The following UGT1A8 variants were observed in gnomAD, a reference collection of about 807,000 sequenced individuals.
UGT1A8 encodes UDP-glucuronosyltransferase 1A8.
In UGT1A8, 39 loss-of-function variants were observed where a neutral mutation model predicts 45.3. That is an observed-to-expected ratio of 0.86 (90% CI 0.67 to 1.12). The LOEUF (loss-of-function observed/expected upper bound fraction) is 1.12. Ranked by LOEUF, UGT1A8 falls within the 50% of genes most tolerant of loss-of-function variation. The probability of loss-of-function intolerance (pLI) is 0.00; values close to 1 mark genes in which losing one functional copy is unlikely to be tolerated. For missense variants in UGT1A8, 719 were observed against 664.9 expected, an observed-to-expected ratio of 1.08 and a Z score of -0.90; for synonymous variants, 275 against 249.2, an observed-to-expected ratio of 1.10 and a Z score of -0.97.
In UGT1A8 at chr2:233,769,705, G is replaced by T. The variant is rs1699921958; in HGVS notation, c.1295+1266G>T. Reference sequence around the variant, plus strand: ...TGGTGGCACTGGATAAAAGATCAATGTTGGCTAGGCACCATGGCACACGCC... The same window carrying T: ...TGGTGGCACTGGATAAAAGATCAATTTTGGCTAGGCACCATGGCACACGCC... On this transcript the variant is annotated intron_variant, in intron 4 of 4. Transcript: ENST00000373450. This position sits in a 1 kb window ranked among gnomAD's most constrained non-coding sequence, Gnocchi z 4.4. The T allele has an allele frequency of 6.6e-7, 1 of 1,517,524 alleles. No homozygotes were observed. Among genetic ancestry groups the T allele is most frequent in the African/African-American group, 1.4e-5 (1 of 73,038 alleles). The allele number at this position is 1,517,524 out of a possible 1,614,324, so 94.0% of individuals were successfully genotyped here. A position where few individuals can be genotyped will look rare whatever the true frequency, so the allele number is the denominator to read the frequency against.
At position 233,718,978 on chromosome 2, in the gene UGT1A8, C is replaced by G. The variant is rs200639166; in HGVS notation, c.856-48056C>G. 2.5e-6 allele frequency: 4 copies of G among 1,614,214 alleles called. No individual in the cohort carries two copies. Among genetic ancestry groups the G allele is most frequent in the Admixed American group, 3.3e-5 (2 of 60,032 alleles). The stretch of plus-strand genomic sequence containing the variant: ...CGGGAGGCCTTGCGGGAGCTCCATG[C>G]CAGAGGCCACCAGGCGGTGGTCCTC... On this transcript the variant is annotated intron_variant, in intron 1 of 4. Coordinates refer to ENST00000373450, the MANE Select transcript of UGT1A8 (RefSeq NM_019076.5).
intron 1 of UGT1A8, among the ~76,000 whole-genome samples, chr2:233,703,898 C>CT (rs1039785943): frequency 2.0e-4 from 29 of 147,302 alleles, no homozygotes; most frequent in African/African-American, 4.5e-4. Context: ...TTTTTCTTTT[C>CT]TTTTTTTTTT....
chr2:233,703,685 T>G (rs1041674498), intron 1 of UGT1A8, among the ~76,000 whole-genome samples: 1 of 152,164 alleles, frequency 6.6e-6, no homozygotes, highest in East Asian at 1.9e-4. Context: ...ATATTTTTTT[T>G]CCACCATTTA....
At chr2:233,636,767 C>G in intron 1 of UGT1A8, 1 of 1,614,210 alleles carries the variant, frequency 6.2e-7, no homozygotes, top group East Asian at 2.2e-5. Flanking sequence ...ACCTCGTACA[C>G]TCTGGAAGAT....
At chr2:233,657,802 T>C (rs1013582506) in intron 1 of UGT1A8, among the ~76,000 whole-genome samples, 22 of 152,220 alleles carry the variant, frequency 1.4e-4, no homozygotes, top group Non-Finnish European at 1.5e-5. Flanking sequence ...GTATATGTTC[T>C]TTGGTAAATG....
chr2:233,693,246 C>T (rs747771330), intron 1 of UGT1A8: 21 of 1,613,944 alleles, frequency 1.3e-5, no homozygotes, highest in African/African-American at 6.7e-5. Context: ...TATCCAGTGC[C>T]GTATGACCAA....
chr2:233,632,826 T>C (rs2073216625), intron 1 of UGT1A8, among the ~76,000 whole-genome samples: 1 of 152,178 alleles, frequency 6.6e-6, no homozygotes, highest in African/African-American at 2.4e-5. Context: ...CCTGTATTTC[T>C]TTCTCTTGCT....
At chr2:233,760,288 A>T (rs1697385056) in intron 1 of UGT1A8, 1 of 1,613,272 alleles carries the variant, frequency 6.2e-7, no homozygotes, top group East Asian at 2.2e-5. Flanking sequence ...CAAAGGCGCC[A>T]TGGCTGTGGA....
chr2:233,758,139 G>T (rs553073565), intron 1 of UGT1A8, among the ~76,000 whole-genome samples: 1 of 152,336 alleles, frequency 6.6e-6, no homozygotes, highest in East Asian at 1.9e-4. Flanking sequence ...TGGCAGATGA[G>T]GGAATTAGCA....
intron 1 of UGT1A8, among the ~76,000 whole-genome samples, chr2:233,731,588 T>C (rs2078180230): frequency 6.6e-6 from 1 of 152,212 alleles, no homozygotes; most frequent in African/African-American, 2.4e-5. Flanking sequence ...TACAGCTTTG[T>C]CCATCTCCCT....
At chr2:233,702,598 G>A (rs546581826) in intron 1 of UGT1A8, among the ~76,000 whole-genome samples, 2 of 152,156 alleles carry the variant, frequency 1.3e-5, no homozygotes, top group South Asian at 4.1e-4. Context: ...GAGATTTTTT[G>A]AGTAGATGCC....
chr2:233,720,049 G>A (rs1278605052), intron 1 of UGT1A8, among the ~76,000 whole-genome samples: 10 of 152,182 alleles, frequency 6.6e-5, no homozygotes, highest in East Asian at 5.8e-4. Context: ...TCAGCTGAAC[G>A]GTGATGCAAC....
chr2:233,733,512 C>T (rs1027549522), intron 1 of UGT1A8, among the ~76,000 whole-genome samples: 2 of 152,148 alleles, frequency 1.3e-5, no homozygotes, highest in African/African-American at 4.8e-5. Flanking sequence ...CAGTTTTAGG[C>T]ATGAAGGGAT....
chr2:233,676,786 C>G (rs74435166), intron 1 of UGT1A8, among the ~76,000 whole-genome samples: 7,560 of 152,232 alleles, frequency 0.05, 292 homozygotes, highest in African/African-American at 0.1. Flanking sequence ...ACACAGAGGT[C>G]TTTTCTTGTT....
At chr2:233,638,131 C>T (rs2073351104) in intron 1 of UGT1A8, among the ~76,000 whole-genome samples, 1 of 152,160 alleles carries the variant, frequency 6.6e-6, no homozygotes, top group Admixed American at 6.5e-5. Flanking sequence ...ATTGAGAAGA[C>T]TGGCATCTTT....
chr2:233,718,616 CG>C, intron 1 of UGT1A8: 22 of 858,724 alleles, frequency 2.6e-5, no homozygotes, highest in Non-Finnish European at 2.9e-5. Flanking sequence ...TCAAGATAGG[CG>C]TGATTGGTCT....
chr2:233,738,914 G>A (rs1053484676), intron 1 of UGT1A8: 2 of 152,216 alleles, frequency 1.3e-5, no homozygotes, highest in Non-Finnish European at 2.9e-5. Flanking sequence ...CCCATCACAG[G>A]CCTGGAGGCC....
At chr2:233,660,497 T>A (rs2073941117) in intron 1 of UGT1A8, among the ~76,000 whole-genome samples, 1 of 152,156 alleles carries the variant, frequency 6.6e-6, no homozygotes, top group Non-Finnish European at 1.5e-5. Context: ...AAGCGTTGGT[T>A]TTCATGGAAC....
chr2:233,637,235 C>G, intron 1 of UGT1A8: 2 of 1,613,920 alleles, frequency 1.2e-6, no homozygotes, highest in Non-Finnish European at 1.7e-6. Flanking sequence ...CTCCAAACCC[C>G]TGTCACGGCA....
Sources: allele counts gnomAD v4.1 joint callset (sites outside exome capture counted in the v4.1 genomes callset), GRCh38; gene constraint gnomAD v4.1.1; non-coding constraint Gnocchi (gnomAD v3.1); transcripts MANE v1.5; gene names NCBI Gene and HGNC (gene_info 2026-07-23, HGNC 2026-07-21).